Variants in CFAP47 observed in about 807,000 individuals in gnomAD.
CFAP47 encodes the protein cilia- and flagella-associated protein 47.
CFAP47 carries 29 observed loss-of-function variants against 148.1 expected under a neutral mutation model. That is an observed-to-expected ratio of 0.20 (90% CI 0.15 to 0.27). CFAP47 has a LOEUF of 0.27. Among genes scored for constraint, CFAP47 ranks in the 10% least tolerant of loss-of-function variants. The pLI, the probability that CFAP47 is intolerant of heterozygous loss-of-function variation, is 1.00. For synonymous variants in CFAP47, 664 were observed against 577.3 expected (o/e 1.15, Z -2.15); for missense variants, 1,872 against 1,697.5 (o/e 1.10, Z -1.81).
At chrX:36,382,674 C>A (rs986286071) in intron 63 of CFAP47, among the ~76,000 whole-genome samples, 1 of 111,233 alleles carries the variant, frequency 9.0e-6, no homozygotes, top group Admixed American at 9.6e-5. Flanking sequence ...TTATTCAGTC[C>A]ATGAGATCAC....
At chrX:36,011,107 T>C (rs1177465279) in intron 21 of CFAP47, among the ~76,000 whole-genome samples, 2 of 112,177 alleles carry the variant, frequency 1.8e-5, no homozygotes, top group African/African-American at 3.2e-5. Flanking sequence ...AAGAATACAT[T>C]CTTTGCTATG....
At chrX:35,967,590 C>T (rs773535412) in intron 9 of CFAP47, 29 bp from the exon 10 acceptor site, 26 of 1,067,799 alleles carry the variant, frequency 2.4e-5, no homozygotes, top group Non-Finnish European at 3.4e-5. Flanking sequence ...AAAATACCAT[C>T]TATAAACTTA....
chrX:36,104,424 TA>T (rs1938431925), intron 32 of CFAP47, 74 bp from the exon 33 acceptor site: 1 of 417,059 alleles, frequency 2.4e-6, no homozygotes, highest in Non-Finnish European at 4.0e-6. Flanking sequence ...TCATGTTTTT[TA>T]AAATTTTCTC....
intron 50 of CFAP47, among the ~76,000 whole-genome samples, chrX:36,282,158 A>G (rs1941085788): frequency 1.8e-5 from 2 of 110,970 alleles, no homozygotes; most frequent in Admixed American, 9.6e-5. Flanking sequence ...CCAGTTGCCA[A>G]TTGAATCTTT....
chrX:35,983,423 C>T (rs761441153), intron 15 of CFAP47, among the ~76,000 whole-genome samples: 22 of 111,923 alleles, frequency 2.0e-4, no homozygotes, highest in African/African-American at 6.2e-4. Flanking sequence ...ATCTCTTCCT[C>T]TTTGGATGTC....
At chrX:36,186,907 A>C (rs2146872817) in intron 40 of CFAP47, among the ~76,000 whole-genome samples, 1 of 109,615 alleles carries the variant, frequency 9.1e-6, no homozygotes, top group Admixed American at 9.8e-5. Context: ...TTTTTCCCTA[A>C]GGTTAAAGAC....
chrX:35,981,984 C>T (rs750748819), intron 15 of CFAP47, among the ~76,000 whole-genome samples: 11 of 111,411 alleles, frequency 9.9e-5, no homozygotes, highest in African/African-American at 2.6e-4. Context: ...CAGACACATG[C>T]GTGTGTCATT....
chrX:35,975,503 T>C (rs1464907873), intron 14 of CFAP47, 140 bp downstream of exon 14: 1 of 625,518 alleles, frequency 1.6e-6, no homozygotes. Context: ...AATTTTTAGA[T>C]ATATAGATTG....
chrX:36,146,778 C>CTTTTTT (rs568139660), intron 36 of CFAP47, among the ~76,000 whole-genome samples: 8 of 87,772 alleles, frequency 9.1e-5, no homozygotes, highest in Non-Finnish European at 1.8e-4. Flanking sequence ...TATTTCTTTT[C>CTTTTTT]TTTTTTTTTT....
chrX:36,371,676 GTA>G lies in CFAP47; in HGVS notation c.9185+4555_9185+4556del, dbSNP rs782566458. On this transcript the variant is annotated intron_variant, in intron 62 of 63. Transcript: ENST00000378653. ...TATATGTGTGTATATACACACATGT[GTA>G]TATATGTGTGTATATACACACATGT... Among the ~76,000 whole-genome samples the G allele has an allele frequency of 9.9e-4, 75 of 75,819 alleles. 6 individuals carry two copies. The highest frequency in any genetic ancestry group is 9.6e-4 in the East Asian group (2 of 2,077). 65.8% of individuals were successfully genotyped at this position (75,819 alleles called of 115,157 possible). A position where few individuals can be genotyped will look rare whatever the true frequency, so the allele number is the denominator to read the frequency against.
intron 3 of CFAP47, among the ~76,000 whole-genome samples, chrX:35,941,808 T>TA (rs1363381945): frequency 1.8e-5 from 2 of 111,925 alleles, no homozygotes; most frequent in Admixed American, 1.9e-4. Context: ...ATTATGTACA[T>TA]ACTTTAAACT....
chrX:35,924,131 G>A (rs1462428146), intron 1 of CFAP47, among the ~76,000 whole-genome samples: 2 of 99,520 alleles, frequency 2.0e-5, no homozygotes, highest in Non-Finnish European at 4.0e-5. Context: ...GTACATATAT[G>A]TATATGTGTA....
intron 40 of CFAP47, among the ~76,000 whole-genome samples, chrX:36,183,008 C>T (rs1026793468): frequency 1.2e-4 from 13 of 112,398 alleles, no homozygotes; most frequent in South Asian, 3.7e-4. Context: ...CGTTGAAACA[C>T]ATATAGAAAG....
chrX:35,986,669 C>T (rs900417416), intron 15 of CFAP47, among the ~76,000 whole-genome samples: 2 of 110,607 alleles, frequency 1.8e-5, no homozygotes, highest in Non-Finnish European at 1.9e-5. Context: ...AGTTGTGATA[C>T]TTTGGAGGAG....
chrX:36,341,037 CT>C (rs11450233), intron 57 of CFAP47, among the ~76,000 whole-genome samples: 10,528 of 89,353 alleles, frequency 0.12, 1,117 homozygotes, highest in African/African-American at 0.34. Flanking sequence ...CTTTTCTTTT[CT>C]TTTTTTTTTT....
At chrX:36,173,758 G>GA (rs981935689) in intron 39 of CFAP47, among the ~76,000 whole-genome samples, 1 of 111,602 alleles carries the variant, frequency 9.0e-6, no homozygotes, top group African/African-American at 3.3e-5. Flanking sequence ...GGGTGGTGCT[G>GA]AAAAAAATGT....
intron 63 of CFAP47, among the ~76,000 whole-genome samples, chrX:36,380,552 T>C (rs921859761): frequency 6.3e-5 from 7 of 111,896 alleles, no homozygotes; most frequent in Non-Finnish European, 1.3e-4. Context: ...CACGCCATTC[T>C]CCTGCCTCAG....
chrX:35,966,372 A>G (rs1199516956), intron 8 of CFAP47, among the ~76,000 whole-genome samples, 193 bp from the exon 9 acceptor site: 1 of 105,564 alleles, frequency 9.5e-6, no homozygotes, highest in Non-Finnish European at 1.9e-5. Context: ...AATAATTTTT[A>G]TTAAAAAATT....
chrX:36,174,236 G>A (rs756960571), intron 39 of CFAP47, among the ~76,000 whole-genome samples: 67 of 109,548 alleles, frequency 6.1e-4, no homozygotes, highest in African/African-American at 2.2e-3. Flanking sequence ...CACACTGATG[G>A]GTCTTGACTC....
Sources: gnomAD v4.1 joint callset for allele counts (sites outside exome capture counted in the v4.1 genomes callset) on GRCh38, gnomAD v4.1.1 for gene constraint, MANE v1.5 for transcripts, NCBI Gene and HGNC (gene_info 2026-07-23, HGNC 2026-07-21) for gene names.